Variants in KIF4A observed in about 807,000 individuals in gnomAD.
KIF4A encodes the protein kinesin family member 4A, also known as chromosome-associated kinesin KIF4A.
In KIF4A, 7 loss-of-function variants were observed where a neutral mutation model predicts 105.9. That is an observed-to-expected ratio of 0.07 (90% CI 0.04 to 0.12). The LOEUF is 0.12. KIF4A is among the 10% of genes least tolerant of loss of function. KIF4A has a pLI of 1.00. For missense variants in KIF4A, 558 were observed against 929.2 expected, an observed-to-expected ratio of 0.60 and a Z score of 5.19; for synonymous variants, 281 against 331.3, an observed-to-expected ratio of 0.85 and a Z score of 1.65.
intron 22 of KIF4A, among the ~76,000 whole-genome samples, chrX:70,399,249 A>C (rs1230134898): frequency 8.9e-6 from 1 of 111,866 alleles, no homozygotes; most frequent in Non-Finnish European, 1.9e-5. Context: ...CATCATTTTT[A>C]CTTAAATGAA....
At position 70,404,139 on chromosome X, in the gene KIF4A, G is replaced by A. The variant is rs1027282617; in HGVS notation, c.2790+105G>A. ...TATGAAATTTCTTTCAAAAGTCCAC[G>A]TGGCCTTTTCTAAATTTTGCAAATA... is the stretch of plus-strand genomic sequence containing the variant. On this transcript the variant is annotated intron_variant, in intron 24 of 30. Transcript: ENST00000374403. The A allele has an allele frequency of 5.7e-5, 54 of 945,069 alleles. No homozygotes were observed. In the Admixed American group the frequency reaches 1.2e-3, roughly 22 times the overall value. The allele number at this position is 945,069 out of a possible 1,213,427, so 77.9% of individuals were successfully genotyped here.
At position 70,329,428 on chromosome X, in the gene KIF4A, C is replaced by T. The variant is rs1177939989; in HGVS notation, c.802C>T (p.Leu268=). ...AGGTATTAATATTAACCGAGGCCTC[C>T]TATGCTTGGGAAATGTAATCAGTGC... is the stretch of plus-strand genomic sequence containing the variant. The part of the protein sequence containing the change: ...KEGININRGL[L]CLGNVISALG... The change falls in exon 8 of 31, where the codon CTA becomes TTA. Residue 268 remains leucine, a synonymous_variant. Coordinates refer to ENST00000374403, the MANE Select transcript of KIF4A (RefSeq NM_012310.5). 1 of 1,208,774 alleles carries T rather than the reference C, an allele frequency of 8.3e-7. No homozygotes were observed. The highest frequency in any genetic ancestry group is 3.0e-5 in the East Asian group (1 of 33,747).
intron 10 of KIF4A, among the ~76,000 whole-genome samples, chrX:70,335,197 A>C (rs2085945902): frequency 2.7e-5 from 3 of 112,501 alleles, no homozygotes; most frequent in African/African-American, 9.7e-5. Flanking sequence ...CATGCAACAG[A>C]ATATCATTCA....
At chrX:70,356,677 C>T (rs1208188554) in intron 15 of KIF4A, among the ~76,000 whole-genome samples, 1 of 112,142 alleles carries the variant, frequency 8.9e-6, no homozygotes, top group Non-Finnish European at 1.9e-5. Flanking sequence ...GTCCTCTATT[C>T]CTATTCTGAC....
chrX:70,408,959 G>A (rs934017498), intron 28 of KIF4A, among the ~76,000 whole-genome samples: 3 of 111,767 alleles, frequency 2.7e-5, no homozygotes, highest in African/African-American at 9.8e-5. Context: ...TCCTCCTCCC[G>A]GGTTCAAGCG....
At chrX:70,323,417 A>G (rs949418813) in intron 7 of KIF4A, among the ~76,000 whole-genome samples, 6 of 111,144 alleles carry the variant, frequency 5.4e-5, no homozygotes, top group Admixed American at 1.9e-4. Flanking sequence ...AGCACCTGAC[A>G]TGCCATAGGT....
At chrX:70,415,367 T>C in intron 28 of KIF4A, 1 of 267,309 alleles carries the variant, frequency 3.7e-6, no homozygotes, top group Non-Finnish European at 7.0e-6. Flanking sequence ...CTCAGCACTT[T>C]GGGAGGCTGA....
chrX:70,395,788 A>C lies in KIF4A; in HGVS notation c.2350A>C (p.Lys784Gln), dbSNP rs747512241. 1 of 1,210,009 alleles carries C rather than the reference A, an allele frequency of 8.3e-7. No homozygotes were observed. The highest frequency in any genetic ancestry group is 1.1e-6 in the Non-Finnish European group (1 of 895,296). ...TCAAGATGTGGCTCAACTCAAAGAA[A>C]AAAAGGAATCTGGGGAGAATCCACC... ...LAQDVAQLKE[K>Q]KESGENPPPK... The change falls in exon 21 of 31, where the codon AAA becomes CAA. Residue 784 changes from lysine (K) to glutamine (Q), a missense_variant. Transcript: ENST00000374403.
intron 15 of KIF4A, among the ~76,000 whole-genome samples, chrX:70,363,175 C>T (rs2086083840): frequency 9.0e-6 from 1 of 111,222 alleles, no homozygotes; most frequent in Non-Finnish European, 1.9e-5. Flanking sequence ...TTGAATAATT[C>T]CCCCTTGTGG....
intron 20 of KIF4A, among the ~76,000 whole-genome samples, chrX:70,388,608 C>T (rs2086226361): frequency 9.0e-6 from 1 of 111,646 alleles, no homozygotes; most frequent in African/African-American, 3.3e-5. Context: ...GTAGTGGAAC[C>T]TCATTGTGGT....
intron 18 of KIF4A, 39 bp downstream of exon 18, chrX:70,376,249 C>T: frequency 1.2e-6 from 1 of 802,199 alleles, no homozygotes; most frequent in Non-Finnish European, 1.9e-6. Context: ...AGGTAATAAA[C>T]CCTTCTCTGA....
At chrX:70,366,449 G>A (rs1294294444) in intron 15 of KIF4A, among the ~76,000 whole-genome samples, 1 of 111,960 alleles carries the variant, frequency 8.9e-6, no homozygotes, top group Non-Finnish European at 1.9e-5. Context: ...GGTATGTTGT[G>A]TCTTTGTTCT....
chrX:70,331,904 G>T (rs975565656), intron 9 of KIF4A, among the ~76,000 whole-genome samples: 1 of 112,190 alleles, frequency 8.9e-6, no homozygotes, highest in Non-Finnish European at 1.9e-5. Context: ...TAGTCTAAGC[G>T]AGAGATAATG....
At position 70,333,609 on chromosome X, in the gene KIF4A, T is replaced by C; in HGVS notation, c.1072-19T>C. Reference sequence around the variant, plus strand: ...ATTTGGTTGGTGACTAGCTGATTATTTTTCTTTGCTTCTCCCAGGTACAAC... The same window carrying C: ...ATTTGGTTGGTGACTAGCTGATTATCTTTCTTTGCTTCTCCCAGGTACAAC... On this transcript the variant is annotated intron_variant, in intron 9 of 30. Coordinates refer to ENST00000374403, the MANE Select transcript of KIF4A (RefSeq NM_012310.5). 1 of 1,180,420 alleles carries C rather than the reference T, an allele frequency of 8.5e-7. No individual in the cohort carries two copies. The highest frequency in any genetic ancestry group is 1.2e-6 in the Non-Finnish European group (1 of 867,455).
intron 18 of KIF4A, among the ~76,000 whole-genome samples, chrX:70,386,323 T>G (rs1362072007): frequency 1.8e-5 from 2 of 111,346 alleles, no homozygotes. Context: ...TTAGATGATC[T>G]TTAAGCTTCC....
rs746884901 is a variant in KIF4A, at chrX:70,387,174, TTTTA to T, written c.2119-5_2119-2del. 1.8e-6 allele frequency: 2 copies of T among 1,114,793 alleles called. No homozygotes were observed. The highest frequency in any genetic ancestry group is 4.0e-5 in the South Asian group (2 of 50,438). The allele number at this position is 1,114,793 out of a possible 1,213,427, so 91.9% of individuals were successfully genotyped here. A position where few individuals can be genotyped will look rare whatever the true frequency, so the allele number is the denominator to read the frequency against. On this transcript the variant is annotated splice_region_variant and splice_polypyrimidine_tract_variant and intron_variant, in intron 19 of 30. Transcript: ENST00000374403. ...TTCATTCAACATTACTATGTGCCAATTTTATTTAGGCAGCAGCTGCCAACAAGCG... is the reference window on the plus strand; with the variant it reads ...TTCATTCAACATTACTATGTGCCAATTTTAGGCAGCAGCTGCCAACAAGCG...
chrX:70,329,531 A>G lies in KIF4A; in HGVS notation c.895+10A>G, dbSNP rs752374182. 8.6e-7 allele frequency: 1 copy of G among 1,163,029 alleles called. No homozygotes were observed. Among genetic ancestry groups the G allele is most frequent in the South Asian group, 1.8e-5 (1 of 54,685 alleles). ...ACTCGACTGCTTCAAGGTAAGCCCA[A>G]AGTGCCTCCAAAAATAAGAGAGTAA... is the stretch of plus-strand genomic sequence containing the variant. On this transcript the variant is annotated intron_variant, in intron 8 of 30. Transcript: ENST00000374403.
rs1217042344 is a variant in KIF4A, at chrX:70,333,215, T to G, written c.1072-413T>G. ...TTAGCTGGGTGTGTTGGCGGGCGCC[T>G]GTAGTCCCAGCTACTTGGGAGGCTG... On this transcript the variant is annotated intron_variant, in intron 9 of 30. Transcript: ENST00000374403. 3.7e-5 allele frequency among the ~76,000 whole-genome samples: 4 copies of G among 107,704 alleles called. No individual in the cohort carries two copies. The Admixed American group carries it at 4.0e-4, about 11-fold the overall frequency. The allele number at this position is 107,704 out of a possible 115,157, so 93.5% of individuals were successfully genotyped here.
chrX:70,389,211 G>A (rs897902072), intron 20 of KIF4A, among the ~76,000 whole-genome samples: 2 of 111,371 alleles, frequency 1.8e-5, no homozygotes, highest in African/African-American at 3.3e-5. Flanking sequence ...AGCCATGATC[G>A]CACCACTGCA....
Sources: allele counts gnomAD v4.1 joint callset (sites outside exome capture counted in the v4.1 genomes callset), GRCh38; gene constraint gnomAD v4.1.1; transcripts MANE v1.5; gene names NCBI Gene and HGNC (gene_info 2026-07-23, HGNC 2026-07-21).